Variants in KIAA0753 observed in about 807,000 individuals in gnomAD.
KIAA0753 encodes protein moonraker.
In KIAA0753, 114 loss-of-function variants were observed where a neutral mutation model predicts 116.9. That is an observed-to-expected ratio of 0.98 (90% CI 0.84 to 1.14). KIAA0753 has a LOEUF of 1.14. KIAA0753 is among the 50% of genes most tolerant of loss of function. KIAA0753 has a pLI of 0.00. For missense variants in KIAA0753, 1,156 were observed against 1,172.4 expected (o/e 0.99, Z 0.20); for synonymous variants, 405 against 413.1 (o/e 0.98, Z 0.24).
At chr17:6,600,310 C>A in intron 13 of KIAA0753, 70 bp downstream of exon 13, 1 of 1,213,768 alleles carries the variant, frequency 8.2e-7, no homozygotes, top group Non-Finnish European at 1.2e-6. Flanking sequence ...TCAATGAGAC[C>A]TCTGCAGCAA....
chr17:6,605,339 C>T (rs1970126897), intron 12 of KIAA0753, among the ~76,000 whole-genome samples: 1 of 152,178 alleles, frequency 6.6e-6, no homozygotes, highest in East Asian at 1.9e-4. Context: ...CAGCGCAGCC[C>T]CTCTCCTGAC....
At chr17:6,629,693 G>A (rs1172288631) in intron 2 of KIAA0753, among the ~76,000 whole-genome samples, 24 of 152,202 alleles carry the variant, frequency 1.6e-4, no homozygotes, top group Admixed American at 1.4e-3. Flanking sequence ...GTCCTGTGAT[G>A]CCGTGACCTT....
In KIAA0753 at chr17:6,628,297, G is replaced by T. The variant is rs1489222119; in HGVS notation, c.538C>A (p.Pro180Thr). Residue 180 changes from proline (P) to threonine (T), a missense_variant, in exon 3 of 19, where the codon CCA becomes ACA. Transcript: ENST00000361413. ...GGCACAGTAAGATCTGACTGGCCTG[G>T]ATGAGATGAGTAAAGGTATACTTTG... ...GAKVYLYSSH[P>T]GQSDLTVPNS... 1 of 1,614,172 alleles carries T rather than the reference G, an allele frequency of 6.2e-7. No individual in the cohort carries two copies. The highest frequency in any genetic ancestry group is 2.2e-5 in the East Asian group (1 of 44,874).
chr17:6,609,397 C>G (rs892356480), intron 9 of KIAA0753, among the ~76,000 whole-genome samples: 1 of 152,206 alleles, frequency 6.6e-6, no homozygotes, highest in Non-Finnish European at 1.5e-5. Context: ...CTAACTGGAC[C>G]CTGCTCCTCT....
chr17:6,579,697 G>T lies in KIAA0753; in HGVS notation c.*50C>A. 3 of 1,295,470 alleles carry T rather than the reference G, an allele frequency of 2.3e-6. No homozygotes were observed. Among genetic ancestry groups the T allele is most frequent in the Non-Finnish European group, 2.2e-6 (2 of 894,522 alleles). 80.2% of individuals were successfully genotyped at this position (1,295,470 alleles called of 1,614,324 possible). On this transcript the variant is annotated 3_prime_UTR_variant, in exon 19 of 19. Transcript: ENST00000361413. Reference sequence around the variant, plus strand: ...TTCCTGTGGGCCAAAACAAAGGGTGGTGCCATCCCTTCTCCAGTGTGACAC... The same window carrying T: ...TTCCTGTGGGCCAAAACAAAGGGTGTTGCCATCCCTTCTCCAGTGTGACAC...
intron 12 of KIAA0753, chr17:6,601,123 C>T (rs1293641301): frequency 6.6e-6 from 1 of 152,366 alleles, no homozygotes; most frequent in East Asian, 1.9e-4. Flanking sequence ...GACTTAGGCA[C>T]ATGACTGGTA....
intron 1 of KIAA0753, chr17:6,636,123 T>A (rs1352531980): frequency 6.6e-6 from 1 of 152,204 alleles, no homozygotes; most frequent in Non-Finnish European, 1.5e-5. Context: ...ATTCAAGGTT[T>A]TTTTAAAAAA....
intron 10 of KIAA0753, among the ~76,000 whole-genome samples, chr17:6,607,809 C>T (rs1970288299): frequency 6.6e-6 from 1 of 152,194 alleles, no homozygotes; most frequent in Non-Finnish European, 1.5e-5. Context: ...TCTCACTGTT[C>T]TCTTCTTATG....
intron 16 of KIAA0753, 99 bp downstream of exon 16, chr17:6,594,873 T>C (rs1389594555): frequency 1.9e-5 from 15 of 802,924 alleles, no homozygotes; most frequent in Non-Finnish European, 2.8e-5. Context: ...ATCTAGAAGG[T>C]GAGTATAGCA....
At position 6,578,572 on chromosome 17, in the gene KIAA0753, C is replaced by T. The variant is rs1967924183; in HGVS notation, c.*1175G>A. The stretch of plus-strand genomic sequence containing the variant: ...ATAAGTGTGATCAAGCAGCTTAAAT[C>T]ACCTGAAATTCTTGTACTTCAGAGA... On this transcript the variant is annotated 3_prime_UTR_variant, in exon 19 of 19. Transcript: ENST00000361413. 6.6e-6 allele frequency: 1 copy of T among 152,180 alleles called. No individual in the cohort carries two copies. The highest frequency in any genetic ancestry group is 6.5e-5 in the Admixed American group (1 of 15,282). The allele number at this position is 152,180 out of a possible 1,614,324, so 9.4% of individuals were successfully genotyped here. A position where few individuals can be genotyped will look rare whatever the true frequency, so the allele number is the denominator to read the frequency against.
chr17:6,590,419 G>T, intron 17 of KIAA0753, 91 bp downstream of exon 17: 1 of 1,466,870 alleles, frequency 6.8e-7, no homozygotes, highest in Non-Finnish European at 9.3e-7. Context: ...AAGAATTTCT[G>T]TCTGTCTTAT....
chr17:6,592,888 T>TG (rs1468718643), intron 16 of KIAA0753, among the ~76,000 whole-genome samples: 2 of 151,770 alleles, frequency 1.3e-5, no homozygotes, highest in Non-Finnish European at 2.9e-5. Context: ...TTTTTTTCCA[T>TG]GGGAAAAAAA....
intron 7 of KIAA0753, among the ~76,000 whole-genome samples, chr17:6,618,690 A>C (rs1359971042): frequency 6.6e-6 from 1 of 152,202 alleles, no homozygotes; most frequent in Non-Finnish European, 1.5e-5. Flanking sequence ...TGGAACACTA[A>C]ACTATTAAGG....
At chr17:6,603,560 G>A (rs981690237) in intron 12 of KIAA0753, among the ~76,000 whole-genome samples, 1 of 152,172 alleles carries the variant, frequency 6.6e-6, no homozygotes, top group Non-Finnish European at 1.5e-5. Flanking sequence ...TTACAACTAA[G>A]AATCCTGGAC....
intron 7 of KIAA0753, among the ~76,000 whole-genome samples, chr17:6,616,469 C>T (rs1450840605): frequency 6.6e-6 from 1 of 152,200 alleles, no homozygotes; most frequent in Non-Finnish European, 1.5e-5. Flanking sequence ...TAATTTGCCA[C>T]TTACAACAAC....
intron 18 of KIAA0753, among the ~76,000 whole-genome samples, chr17:6,580,316 CTTT>C (rs1555566506): frequency 7.2e-6 from 1 of 139,320 alleles, no homozygotes. Flanking sequence ...AGCCAAGATA[CTTT>C]TTTTTTTTTT....
intron 7 of KIAA0753, among the ~76,000 whole-genome samples, chr17:6,616,490 A>C (rs182060294): frequency 1.1e-4 from 17 of 152,352 alleles, no homozygotes; most frequent in Admixed American, 7.2e-4. Flanking sequence ...TAAGTCAGTC[A>C]CAAAACACAA....
chr17:6,619,216 G>A (rs915790905), intron 7 of KIAA0753, among the ~76,000 whole-genome samples: 74 of 151,760 alleles, frequency 4.9e-4, no homozygotes, highest in Middle Eastern at 6.8e-3. Context: ...ACAACGGAGC[G>A]AGATTCCACT....
intron 12 of KIAA0753, among the ~76,000 whole-genome samples, chr17:6,602,502 G>A (rs1361019832): frequency 6.6e-6 from 1 of 152,186 alleles, no homozygotes; most frequent in Non-Finnish European, 1.5e-5. Flanking sequence ...TTGAGCAAAA[G>A]AAGCCAGACA....
Sources: allele counts gnomAD v4.1 joint callset (sites outside exome capture counted in the v4.1 genomes callset), GRCh38; gene constraint gnomAD v4.1.1; transcripts MANE v1.5; gene names NCBI Gene and HGNC (gene_info 2026-07-23, HGNC 2026-07-21).